The following HLA-DRA variants were observed in gnomAD, a reference collection of about 807,000 sequenced individuals.
HLA-DRA encodes major histocompatibility complex, class II, DR alpha.
Under a neutral mutation model 22.1 loss-of-function variants are expected in HLA-DRA, and 8 were observed. That is an observed-to-expected ratio of 0.36 (90% CI 0.21 to 0.65). The LOEUF (loss-of-function observed/expected upper bound fraction) is 0.65, where lower values mean the gene tolerates loss of function less well. Among genes scored for constraint, HLA-DRA ranks in the 30% least tolerant of loss-of-function variants. The pLI is 0.63. For missense variants in HLA-DRA, 248 were observed against 321.3 expected (o/e 0.77, Z 1.74); for synonymous variants, 101 against 117.1 (o/e 0.86, Z 0.89).
intron 1 of HLA-DRA, among the ~76,000 whole-genome samples, chr6:32,442,110 T>C (rs777867613): frequency 5.9e-5 from 9 of 152,210 alleles, no homozygotes; most frequent in Non-Finnish European, 1.3e-4. Flanking sequence ...CATTTCTCTT[T>C]AGGGGCTGCT....
intron 2 of HLA-DRA, 97 bp downstream of exon 2, chr6:32,442,790 C>T: frequency 6.8e-7 from 1 of 1,469,564 alleles, no homozygotes. Context: ...CTGATTTTCC[C>T]TCCAAGGGTC....
rs867285682 is a variant in HLA-DRA at position 32,443,298 on chromosome 6, C to T, written c.442C>T (p.Arg148Ter). Residue 148 changes from arginine (R) to a stop codon, truncating the protein, a stop_gained, in exon 3 of 5, where the codon CGA becomes TGA. Transcript: ENST00000395388. LOFTEE classifies it high-confidence loss of function. ...ACCAGTGGTCAATGTCACGTGGCTT[C>T]GAAATGGAAAACCTGTCACCACAGG... ...TPPVVNVTWL[R>*]NGKPVTTGVS... 1 of 1,613,022 alleles carries T rather than the reference C, an allele frequency of 6.2e-7. No individual in the cohort carries two copies. The highest frequency in any genetic ancestry group is 8.5e-7 in the Non-Finnish European group (1 of 1,180,022).
chr6:32,439,936 G>A lies in HLA-DRA; in HGVS notation c.-15G>A, dbSNP rs1260717326. 7 of 1,612,648 alleles carry A rather than the reference G, an allele frequency of 4.3e-6. No homozygotes were observed. Among genetic ancestry groups the A allele is most frequent in the Non-Finnish European group, 5.9e-6 (7 of 1,178,936 alleles). ...CCGAGCTCTACTGACTCCCAACAGA[G>A]CGCCCAAGAAGAAAATGGCCATAAG... On this transcript the variant is annotated 5_prime_UTR_variant, in exon 1 of 5. Transcript: ENST00000395388.
chr6:32,444,159 C>T (rs1448389472), intron 4 of HLA-DRA, among the ~76,000 whole-genome samples: 1 of 152,030 alleles, frequency 6.6e-6, no homozygotes, highest in African/African-American at 2.4e-5. Flanking sequence ...GAAATCATCT[C>T]CAGTACCTAA....
intron 2 of HLA-DRA, among the ~76,000 whole-genome samples, 162 bp downstream of exon 2, chr6:32,442,855 T>C (rs945113238): frequency 2.0e-5 from 3 of 152,202 alleles, no homozygotes; most frequent in Non-Finnish European, 4.4e-5. Flanking sequence ...GAGAACTTTA[T>C]GGGTTTGATC....
chr6:32,442,619 T>C lies in HLA-DRA; in HGVS notation c.254T>C (p.Leu85Ser), dbSNP rs1219191287. 1.9e-6 allele frequency: 3 copies of C among 1,612,960 alleles called. No homozygotes were observed. Among genetic ancestry groups the C allele is most frequent in the Non-Finnish European group, 2.5e-6 (3 of 1,180,048 alleles). ...GCCAGCTTTGAGGCTCAAGGTGCAT[T>C]GGCCAACATAGCTGTGGACAAAGCC... ...RFASFEAQGA[L>S]ANIAVDKANL... The change falls in exon 2 of 5, where the codon TTG (leucine) becomes TCG (serine). Residue 85 changes from leucine to serine, a missense_variant. Leu to Ser is a moderately radical substitution (Grantham distance 145, BLOSUM62 -2). Coordinates refer to ENST00000395388, the MANE Select transcript of HLA-DRA (RefSeq NM_019111.5).
intron 2 of HLA-DRA, 130 bp from the exon 3 acceptor site, chr6:32,443,055 C>A: frequency 1.2e-6 from 1 of 807,292 alleles, no homozygotes; most frequent in Non-Finnish European, 2.0e-6. Context: ...TTTCTCAGGG[C>A]ACAATTTCAA....
chr6:32,443,095 A>AT, intron 2 of HLA-DRA, 90 bp from the exon 3 acceptor site: 4 of 1,161,138 alleles, frequency 3.4e-6, no homozygotes, highest in Non-Finnish European at 5.0e-6. Flanking sequence ...GTTTTTAGAT[A>AT]CGTTTGTACC....
At chr6:32,440,409 A>G (rs1413031091) in intron 1 of HLA-DRA, among the ~76,000 whole-genome samples, 1 of 125,184 alleles carries the variant, frequency 8.0e-6, no homozygotes. Flanking sequence ...AAAACCACAC[A>G]TAGTTTTGCT....
At chr6:32,444,454 T>TA (rs1207245000) in intron 4 of HLA-DRA, among the ~76,000 whole-genome samples, 198 bp from the exon 5 acceptor site, 1 of 151,230 alleles carries the variant, frequency 6.6e-6, no homozygotes, top group South Asian at 2.1e-4. Flanking sequence ...TGAGAAACTC[T>TA]AAAAAAAGGT....
Position 32,442,536 on chromosome 6 carries a change from C to T in HLA-DRA, c.171C>T (p.Phe57=). 1 of 1,613,042 alleles carries T rather than the reference C, an allele frequency of 6.2e-7. No homozygotes were observed. The highest frequency in any genetic ancestry group is 8.5e-7 in the Non-Finnish European group (1 of 1,180,042). Residue 57 remains phenylalanine, a synonymous_variant, in exon 2 of 5, where the codon TTC becomes TTT. Transcript: ENST00000395388. ...TTGACTTTGATGGTGATGAGATTTT[C>T]CATGTGGATATGGCAAAGAAGGAGA... ...FMFDFDGDEI[F]HVDMAKKETV... is the part of the protein sequence containing the mutation.
intron 1 of HLA-DRA, 104 bp from the exon 2 acceptor site, chr6:32,442,344 C>T: frequency 7.3e-7 from 1 of 1,364,046 alleles, no homozygotes; most frequent in Non-Finnish European, 1.0e-6. Flanking sequence ...TTCCTCTTGG[C>T]CCAATCTCTC....
chr6:32,443,707 T>C (rs111492440), intron 3 of HLA-DRA, 49 bp from the exon 4 acceptor site: 1 of 1,469,120 alleles, frequency 6.8e-7, no homozygotes, highest in African/African-American at 1.4e-5. Context: ...TTCTGAGTGT[T>C]ACTTCTTCCC....
intron 3 of HLA-DRA, 96 bp downstream of exon 3, chr6:32,443,562 A>T: frequency 8.1e-7 from 1 of 1,229,718 alleles, no homozygotes; most frequent in East Asian, 2.3e-5. Flanking sequence ...TATCTGCTAC[A>T]ATTAATATAA....
Position 32,443,337 on chromosome 6 carries a change from G to A in HLA-DRA, c.481G>A (p.Val161Ile), listed in dbSNP as rs1373840211. The change falls in exon 3 of 5, where the codon GTC becomes ATC. Residue 161 changes from valine to isoleucine, a missense_variant. Transcript: ENST00000395388. Reference protein sequence around the residue: ...KPVTTGVSETVFLPREDHLFR... With the variant: ...KPVTTGVSETIFLPREDHLFR... ...TGTCACCACAGGAGTGTCAGAGACA[G>A]TCTTCCTGCCCAGGGAAGACCACCT... The A allele has an allele frequency of 6.2e-7, 1 of 1,613,082 alleles. No homozygotes were observed.
intron 2 of HLA-DRA, 81 bp from the exon 3 acceptor site, chr6:32,443,104 C>T: frequency 7.8e-7 from 1 of 1,285,614 alleles, no homozygotes; most frequent in Non-Finnish European, 1.1e-6. Context: ...TACGTTTGTA[C>T]CACAATTGAG....
chr6:32,442,820 C>T, intron 2 of HLA-DRA, 127 bp downstream of exon 2: 1 of 1,142,920 alleles, frequency 8.7e-7, no homozygotes, highest in Non-Finnish European at 1.3e-6. Context: ...CATTAACAAG[C>T]CCCAAATTCT....
At position 32,439,893 on chromosome 6, in the gene HLA-DRA, G is replaced by A. The variant is rs1762504858; in HGVS notation, c.-58G>A. 3.0e-6 allele frequency: 4 copies of A among 1,314,494 alleles called. No homozygotes were observed. Among genetic ancestry groups the A allele is most frequent in the Non-Finnish European group, 4.4e-6 (4 of 907,722 alleles). 81.4% of individuals were successfully genotyped at this position (1,314,494 alleles called of 1,614,324 possible). On this transcript the variant is annotated 5_prime_UTR_variant, in exon 1 of 5. Coordinates refer to ENST00000395388, the MANE Select transcript of HLA-DRA (RefSeq NM_019111.5). ...CCACATTCTCTTTTCTTTTATTCTT[G>A]TCTGTTCTGCCTCACTCCCGAGCTC...
Position 32,442,520 on chromosome 6 carries a change from A to G in HLA-DRA, c.155A>G (p.Asp52Gly). Residue 52 changes from aspartate (D) to glycine (G), a missense_variant, in exon 2 of 5, where the codon GAT (aspartate) becomes GGT (glycine). Transcript: ENST00000395388. ...DQSGEFMFDFDGDEIFHVDMA... is the reference protein window; with the variant it reads ...DQSGEFMFDFGGDEIFHVDMA... ...TCAGGCGAGTTTATGTTTGACTTTGATGGTGATGAGATTTTCCATGTGGAT... is the reference window on the plus strand; with the variant it reads ...TCAGGCGAGTTTATGTTTGACTTTGGTGGTGATGAGATTTTCCATGTGGAT... 2 of 1,613,004 alleles carry G rather than the reference A, an allele frequency of 1.2e-6. No homozygotes were observed. Among genetic ancestry groups the G allele is most frequent in the South Asian group, 1.1e-5 (1 of 91,080 alleles).
Sources: gnomAD v4.1 joint callset for allele counts (sites outside exome capture counted in the v4.1 genomes callset) on GRCh38, gnomAD v4.1.1 for gene constraint, MANE v1.5 for transcripts, NCBI Gene and HGNC (gene_info 2026-07-23, HGNC 2026-07-21) for gene names.